The following ZNF622 variants were observed in gnomAD, a reference collection of about 807,000 sequenced individuals.
The protein encoded by ZNF622 is cytoplasmic 60S subunit biogenesis factor ZNF622.
In ZNF622, 34 loss-of-function variants were observed where a neutral mutation model predicts 49.7. The observed-to-expected ratio is 0.68, with a 90% confidence interval of 0.52 to 0.91. ZNF622 has a LOEUF of 0.91. ZNF622 is among the 40% of genes least tolerant of loss of function. The pLI, the probability that ZNF622 is intolerant of heterozygous loss-of-function variation, is 0.00. For missense variants in ZNF622, 569 were observed against 616.4 expected, an observed-to-expected ratio of 0.92 and a Z score of 0.81; for synonymous variants, 209 against 228.7, an observed-to-expected ratio of 0.91 and a Z score of 0.78.
rs780749372 is a variant in ZNF622, at chr5:16,465,555, G to A, written c.111C>T (p.Ala37=). 3.1e-6 allele frequency: 5 copies of A among 1,613,784 alleles called. No individual in the cohort carries two copies. The South Asian group carries it at 4.4e-5, about 14-fold the overall frequency. The stretch of plus-strand genomic sequence containing the variant: ...CCTCGGCGGTCACTGGGGCCATGCT[G>A]GCCACCTTCCGCCGCAGGTTGTAGC... ...WHRYNLRRKV[A]SMAPVTAEGF... The change falls in exon 1 of 6, where the codon GCC becomes GCT. Residue 37 remains alanine (A), a synonymous_variant. Coordinates refer to ENST00000308683, the MANE Select transcript of ZNF622 (RefSeq NM_033414.3). The surrounding 1 kb of genome is among the most constrained non-coding windows in gnomAD (Gnocchi z 6.2).
At chr5:16,464,670 CCAT>C (rs777536788) in intron 1 of ZNF622, among the ~76,000 whole-genome samples, 4 of 152,160 alleles carry the variant, frequency 2.6e-5, no homozygotes, top group Non-Finnish European at 5.9e-5. Context: ...AAGTGCAAAA[CCAT>C]CATAACTGGA....
intron 5 of ZNF622, 149 bp downstream of exon 5, chr5:16,452,864 C>T (rs1256212641): frequency 1.0e-5 from 8 of 766,728 alleles, no homozygotes; most frequent in Non-Finnish European, 1.4e-5. Context: ...TTAAACATAT[C>T]AAGTGGTAAT....
intron 5 of ZNF622, 41 bp from the exon 6 acceptor site, chr5:16,451,825 T>C (rs1360395641): frequency 6.3e-7 from 1 of 1,592,422 alleles, no homozygotes; most frequent in Admixed American, 1.8e-5. Context: ...CAAAGTTCTG[T>C]TATTTGTGAT....
intron 3 of ZNF622, among the ~76,000 whole-genome samples, chr5:16,461,530 C>G (rs148303705): frequency 4.8e-4 from 73 of 152,324 alleles, no homozygotes; most frequent in Non-Finnish European, 7.9e-4. Flanking sequence ...GAGAAGCAGT[C>G]AGCCTCTGAA....
At position 16,463,282 on chromosome 5, in the gene ZNF622, A is replaced by C. The variant is rs761063829; in HGVS notation, c.887-12T>G. On this transcript the variant is annotated splice_polypyrimidine_tract_variant and intron_variant, in intron 2 of 5. Coordinates refer to ENST00000308683, the MANE Select transcript of ZNF622 (RefSeq NM_033414.3). The surrounding 1 kb of genome is among the most constrained non-coding windows in gnomAD (Gnocchi z 4.2). ...ACCAACTTTCTCTCCTAGAAAAATAATTTAAGGAAAAAATATGAAAAAAGC... is the reference window on the plus strand; with the variant it reads ...ACCAACTTTCTCTCCTAGAAAAATACTTTAAGGAAAAAATATGAAAAAAGC... The C allele has an allele frequency of 1.9e-5, 30 of 1,583,426 alleles. No individual in the cohort carries two copies. Among genetic ancestry groups the C allele is most frequent in the Non-Finnish European group, 2.5e-5 (29 of 1,170,796 alleles).
chr5:16,452,997 G>A lies in ZNF622; in HGVS notation c.1306+16C>T. 1 of 1,432,764 alleles carries A rather than the reference G, an allele frequency of 7.0e-7. No individual in the cohort carries two copies. The highest frequency in any genetic ancestry group is 9.2e-7 in the Non-Finnish European group (1 of 1,081,270). The allele number at this position is 1,432,764 out of a possible 1,614,324, so 88.8% of individuals were successfully genotyped here. A position where few individuals can be genotyped will look rare whatever the true frequency, so the allele number is the denominator to read the frequency against. ...CAAGTTCTCAGACTGGTCTGTAGTT[G>A]TAAAGATCAATGTACCTGTGCTGCC... On this transcript the variant is annotated intron_variant, in intron 5 of 5. Coordinates refer to ENST00000308683, the MANE Select transcript of ZNF622 (RefSeq NM_033414.3).
At chr5:16,464,235 G>A (rs933229371) in intron 1 of ZNF622, among the ~76,000 whole-genome samples, 1 of 149,866 alleles carries the variant, frequency 6.7e-6, no homozygotes, top group African/African-American at 2.4e-5. Flanking sequence ...GCCTTTAGTG[G>A]GTGATTAGGT....
intron 4 of ZNF622, among the ~76,000 whole-genome samples, chr5:16,456,558 G>A (rs1738029535): frequency 6.6e-6 from 1 of 152,174 alleles, no homozygotes; most frequent in African/African-American, 2.4e-5. Context: ...ATGAGTTCAG[G>A]AAGCCTTCCC....
At chr5:16,458,062 C>T (rs1222554339) in intron 4 of ZNF622, among the ~76,000 whole-genome samples, 1 of 152,126 alleles carries the variant, frequency 6.6e-6, no homozygotes, top group Non-Finnish European at 1.5e-5. Flanking sequence ...TTCATCTTTT[C>T]ATACCTCATG....
In ZNF622 at chr5:16,465,206, C is replaced by T; in HGVS notation, c.460G>A (p.Glu154Lys). The part of the protein sequence containing the change: ...PKKAPPAPAK[E>K]ARNVVAVGTG... ...CCCACGGCCACGACATTCCTGGCCTCCTTTGCAGGCGCTGGGGGCGCCTTC... is the reference window on the plus strand; with the variant it reads ...CCCACGGCCACGACATTCCTGGCCTTCTTTGCAGGCGCTGGGGGCGCCTTC... The change falls in exon 1 of 6, where the codon GAG becomes AAG. Residue 154 changes from glutamate (E) to lysine (K), a missense_variant. Physicochemically the swap from Glu to Lys is moderately conservative, Grantham distance 56 (BLOSUM62 1). Transcript: ENST00000308683. The surrounding 1 kb of genome is among the most constrained non-coding windows in gnomAD (Gnocchi z 6.2). 1 of 1,614,210 alleles carries T rather than the reference C, an allele frequency of 6.2e-7. No homozygotes were observed. Among genetic ancestry groups the T allele is most frequent in the Non-Finnish European group, 8.5e-7 (1 of 1,180,032 alleles).
Position 16,460,678 on chromosome 5 carries a change from A to T in ZNF622, c.1050-2049T>A, listed in dbSNP as rs1738107785. On this transcript the variant is annotated intron_variant, in intron 3 of 5. Transcript: ENST00000308683. ...CTCAGCCTCCTAAGCAGCTGGTACT[A>T]CAGGCTCATGCCACCACACTTGGCT... 3.3e-5 allele frequency among the ~76,000 whole-genome samples: 5 copies of T among 152,046 alleles called. No individual in the cohort carries two copies. The South Asian group carries it at 1.0e-3, about 31-fold the overall frequency.
At chr5:16,462,992 T>A in intron 3 of ZNF622, 116 bp downstream of exon 3, 2 of 1,036,658 alleles carry the variant, frequency 1.9e-6, no homozygotes, top group Non-Finnish European at 2.7e-6. Context: ...AGAGGTGTTA[T>A]AAGTGTTATT....
intron 3 of ZNF622, 37 bp from the exon 4 acceptor site, chr5:16,458,666 A>G (rs1441805050): frequency 2.1e-6 from 3 of 1,422,438 alleles, no homozygotes; most frequent in African/African-American, 2.9e-5. Flanking sequence ...ATAGACTAAT[A>G]TCTCAAATTG....
chr5:16,455,778 G>C (rs1249951261), intron 4 of ZNF622, among the ~76,000 whole-genome samples: 1 of 152,148 alleles, frequency 6.6e-6, no homozygotes, highest in East Asian at 1.9e-4. Flanking sequence ...CAGCACGTTG[G>C]CCTTTTAAAG....
At chr5:16,464,328 A>G (rs1243460639) in intron 1 of ZNF622, among the ~76,000 whole-genome samples, 1 of 152,148 alleles carries the variant, frequency 6.6e-6, no homozygotes, top group Non-Finnish European at 1.5e-5. Context: ...CTTCCACCAC[A>G]TGATGACACC....
At chr5:16,456,620 G>A (rs1738030178) in intron 4 of ZNF622, among the ~76,000 whole-genome samples, 1 of 152,114 alleles carries the variant, frequency 6.6e-6, no homozygotes, top group Non-Finnish European at 1.5e-5. Flanking sequence ...AGGAATAAAA[G>A]AGGCACCACA....
Position 16,463,592 on chromosome 5 carries a change from TG to T in ZNF622, c.775del (p.His259IlefsTer6), listed in dbSNP as rs779691774. 3.1e-6 allele frequency: 5 copies of T among 1,614,204 alleles called. No individual in the cohort carries two copies. The highest frequency in any genetic ancestry group is 4.2e-6 in the Non-Finnish European group (5 of 1,180,042). On this transcript the variant is annotated frameshift_variant, in exon 2 of 6. Transcript: ENST00000308683. LOFTEE classifies it high-confidence loss of function. The surrounding 1 kb of genome is among the most constrained non-coding windows in gnomAD (Gnocchi z 4.2). ...IPITDCLFCS[H>X]HSSSLMKNVA... ...ATTCTTCATCAGCGAGCTGGAATGA[TG>T]GGAACAAAATAAGCAGTCCGTGATA...
intron 4 of ZNF622, among the ~76,000 whole-genome samples, chr5:16,453,855 A>G (rs988030982): frequency 2.0e-5 from 3 of 151,958 alleles, no homozygotes; most frequent in African/African-American, 7.3e-5. Context: ...CATGCACAGG[A>G]CAGCCCCCCA....
Position 16,463,361 on chromosome 5 carries a change from C to T in ZNF622, c.887-91G>A. ...TTGTCACCAAAACTCAAAAATCATT[C>T]ACAAAATAACCAAGCAATTATATCA... is the stretch of plus-strand genomic sequence containing the variant. On this transcript the variant is annotated intron_variant, in intron 2 of 5. Transcript: ENST00000308683. This position sits in a 1 kb window ranked among gnomAD's most constrained non-coding sequence, Gnocchi z 4.2. 1 of 1,513,134 alleles carries T rather than the reference C, an allele frequency of 6.6e-7. No homozygotes were observed. The highest frequency in any genetic ancestry group is 2.3e-5 in the East Asian group (1 of 44,168). The allele number at this position is 1,513,134 out of a possible 1,614,324, so 93.7% of individuals were successfully genotyped here.
Sources: allele counts gnomAD v4.1 joint callset (sites outside exome capture counted in the v4.1 genomes callset), GRCh38; gene constraint gnomAD v4.1.1; non-coding constraint Gnocchi (gnomAD v3.1); transcripts MANE v1.5; gene names NCBI Gene and HGNC (gene_info 2026-07-23, HGNC 2026-07-21).